The following PDE4D variants were observed in gnomAD, a reference collection of about 807,000 sequenced individuals.
PDE4D encodes the protein 3',5'-cyclic-AMP phosphodiesterase 4D.
PDE4D carries 24 observed loss-of-function variants against 87.4 expected under a neutral mutation model. The ratio of observed to expected loss-of-function variants is 0.27; its 90% CI spans 0.20 to 0.39. PDE4D has a LOEUF of 0.39. Among genes scored for constraint, PDE4D ranks in the 10% least tolerant of loss-of-function variants. The pLI is 1.00. For synonymous variants in PDE4D, 384 were observed against 383.2 expected, an observed-to-expected ratio of 1.00 and a Z score of -0.02; for missense variants, 714 against 1,041.0, an observed-to-expected ratio of 0.69 and a Z score of 4.32.
intron 5 of PDE4D, among the ~76,000 whole-genome samples, chr5:59,065,846 A>G (rs573229587): frequency 6.6e-6 from 1 of 152,282 alleles, no homozygotes; most frequent in South Asian, 2.1e-4. Flanking sequence ...CTCTCTTATA[A>G]GAAAGTCCAT....
At chr5:59,482,302 T>A (rs1804415128) in intron 1 of PDE4D, among the ~76,000 whole-genome samples, 1 of 152,196 alleles carries the variant, frequency 6.6e-6, no homozygotes, top group South Asian at 2.1e-4. Flanking sequence ...GATGTGTTTG[T>A]TGAAACATGC....
intron 1 of PDE4D, among the ~76,000 whole-genome samples, chr5:59,441,934 G>T (rs982214015): frequency 6.6e-6 from 1 of 152,022 alleles, no homozygotes; most frequent in Non-Finnish European, 1.5e-5. Flanking sequence ...TATCTATGTT[G>T]TTCAACTAGG....
At chr5:60,040,242 C>T (rs2060093713) in intron 2 of PDE4D, among the ~76,000 whole-genome samples, 1 of 152,150 alleles carries the variant, frequency 6.6e-6, no homozygotes, top group South Asian at 2.1e-4. Context: ...AGCAAAGCCT[C>T]TTTTTTGGTA....
intron 1 of PDE4D, among the ~76,000 whole-genome samples, chr5:59,838,002 A>C (rs565046712): frequency 5.9e-5 from 9 of 152,078 alleles, no homozygotes; most frequent in Non-Finnish European, 1.2e-4. Context: ...TTTGTTGACC[A>C]TTAAAGATAG....
chr5:59,713,880 G>C (rs1226069494), intron 1 of PDE4D, among the ~76,000 whole-genome samples: 1 of 152,204 alleles, frequency 6.6e-6, no homozygotes, highest in African/African-American at 2.4e-5. Context: ...GTGCAGGAAA[G>C]GGCCTTTTGG....
chr5:60,129,932 A>G (rs1779426519), intron 2 of PDE4D, among the ~76,000 whole-genome samples: 1 of 152,078 alleles, frequency 6.6e-6, no homozygotes, highest in Admixed American at 6.6e-5. Context: ...CTAATCACCA[A>G]TGTGATGATA....
At chr5:60,083,239 G>C (rs551805947) in intron 2 of PDE4D, among the ~76,000 whole-genome samples, 49 of 152,196 alleles carry the variant, frequency 3.2e-4, no homozygotes, top group Admixed American at 3.1e-3. Flanking sequence ...ACCTTTTAGT[G>C]GTCCACCTCA....
rs139305617 is a variant in PDE4D at position 59,945,243 on chromosome 5, A to G, written c.272+43245T>C. Reference sequence around the variant, plus strand: ...ATGGCAATTTGCCACAAACTCTTCTACCACTTTGAGAGGAGTATATCAGAA... The same window carrying G: ...ATGGCAATTTGCCACAAACTCTTCTGCCACTTTGAGAGGAGTATATCAGAA... On this transcript the variant is annotated intron_variant, in intron 3 of 16. Coordinates refer to the PDE4D transcript ENST00000502484. Among the ~76,000 whole-genome samples the G allele has an allele frequency of 9.0e-3, 1,370 of 152,338 alleles. 26 individuals carry two copies. Among genetic ancestry groups the G allele is most frequent in the African/African-American group, 0.032 (1,328 of 41,576 alleles).
chr5:60,173,258 G>C (rs1301190768), intron 2 of PDE4D, among the ~76,000 whole-genome samples: 4 of 151,882 alleles, frequency 2.6e-5, no homozygotes, highest in Non-Finnish European at 5.9e-5. Flanking sequence ...GTGCATCTTG[G>C]CTAACTCACC....
intron 2 of PDE4D, among the ~76,000 whole-genome samples, chr5:60,158,453 A>G (rs1156399804): frequency 6.6e-6 from 1 of 152,250 alleles, no homozygotes; most frequent in Non-Finnish European, 1.5e-5. Context: ...CAAGATTGGA[A>G]GTTGCTCTGG....
intron 1 of PDE4D, among the ~76,000 whole-genome samples, chr5:60,500,475 A>G (rs1276186652): frequency 6.6e-6 from 1 of 152,262 alleles, no homozygotes; most frequent in African/African-American, 2.4e-5. Flanking sequence ...AAACTGACTC[A>G]GTGCTAAATA....
At chr5:59,677,747 G>C (rs971665567) in intron 1 of PDE4D, among the ~76,000 whole-genome samples, 3 of 152,160 alleles carry the variant, frequency 2.0e-5, no homozygotes, top group African/African-American at 4.8e-5. Flanking sequence ...AATCAGCCCA[G>C]CACCAACCAA....
intron 2 of PDE4D, among the ~76,000 whole-genome samples, chr5:59,996,193 G>T (rs966501095): frequency 5.9e-5 from 9 of 152,142 alleles, no homozygotes; most frequent in Admixed American, 5.9e-4. Context: ...TGCTTTCAGT[G>T]AGCCTACACT....
At chr5:59,007,158 TC>T (rs1484687345) in intron 6 of PDE4D, among the ~76,000 whole-genome samples, 1 of 152,216 alleles carries the variant, frequency 6.6e-6, no homozygotes, top group South Asian at 2.1e-4. Context: ...CTCTTGGACC[TC>T]TCCAACATAA....
At chr5:60,474,336 T>C (rs1748141991) in intron 1 of PDE4D, among the ~76,000 whole-genome samples, 1 of 151,422 alleles carries the variant, frequency 6.6e-6, no homozygotes, top group African/African-American at 2.4e-5. Flanking sequence ...TCAAGACTCT[T>C]TATAAGGGCA....
intron 1 of PDE4D, among the ~76,000 whole-genome samples, chr5:59,246,656 T>C (rs989782990): frequency 2.6e-5 from 4 of 152,156 alleles, no homozygotes; most frequent in Admixed American, 6.6e-5. Flanking sequence ...GTTGCTCTTA[T>C]TGAGGAAAGA....
chr5:59,880,104 T>C (rs541888428), intron 1 of PDE4D, among the ~76,000 whole-genome samples: 3 of 152,210 alleles, frequency 2.0e-5, no homozygotes, highest in Non-Finnish European at 2.9e-5. Context: ...CAAACATTTC[T>C]GATTTTTTTT....
intron 1 of PDE4D, among the ~76,000 whole-genome samples, chr5:60,293,500 C>T (rs998426005): frequency 6.6e-6 from 1 of 152,028 alleles, no homozygotes; most frequent in Non-Finnish European, 1.5e-5. Flanking sequence ...GGTAACAGAG[C>T]GAGACTCTGT....
chr5:60,350,785 G>C (rs1759116627), intron 1 of PDE4D, among the ~76,000 whole-genome samples: 1 of 152,028 alleles, frequency 6.6e-6, no homozygotes, highest in African/African-American at 2.4e-5. Context: ...GATTTTTTAT[G>C]GTAATCAAAG....
Sources: gnomAD v4.1 joint callset for allele counts (sites outside exome capture counted in the v4.1 genomes callset) on GRCh38, gnomAD v4.1.1 for gene constraint, MANE v1.5 for transcripts, NCBI Gene and HGNC (gene_info 2026-07-23, HGNC 2026-07-21) for gene names.